Variants in SMCHD1 observed in about 807,000 individuals in gnomAD.
SMCHD1 encodes structural maintenance of chromosomes flexible hinge domain containing 1.
SMCHD1 carries 78 observed loss-of-function variants against 254.7 expected under a neutral mutation model. The ratio of observed to expected loss-of-function variants is 0.31; its 90% confidence interval spans 0.26 to 0.37. The LOEUF (loss-of-function observed/expected upper bound fraction) is 0.37, where lower values mean the gene tolerates loss of function less well. Ranked by LOEUF, SMCHD1 falls within the 10% of genes least tolerant of loss-of-function variation. The probability of loss-of-function intolerance (pLI) is 1.00; values close to 1 mark genes in which losing one functional copy is unlikely to be tolerated. For missense variants in SMCHD1, 1,840 were observed against 2,408.1 expected (o/e 0.76, Z 4.94); for synonymous variants, 766 against 794.9 (o/e 0.96, Z 0.61).
At chr18:2,658,908 G>GCATATATA (rs1162064878) in intron 1 of SMCHD1, among the ~76,000 whole-genome samples, 1 of 148,126 alleles carries the variant, frequency 6.8e-6, no homozygotes, top group African/African-American at 2.5e-5. Flanking sequence ...ACGTGTATAC[G>GCATATATA]CATATATACA....
At chr18:2,801,380 G>A (rs1275974122) in intron 47 of SMCHD1, 1 of 152,148 alleles carries the variant, frequency 6.6e-6, no homozygotes, top group Non-Finnish European at 1.5e-5. Context: ...GGTATTAGAA[G>A]TTTAGGTGGA....
At chr18:2,728,713 G>A in intron 23 of SMCHD1, 117 bp downstream of exon 23, 1 of 1,136,496 alleles carries the variant, frequency 8.8e-7, no homozygotes. Flanking sequence ...TTATTCCGTG[G>A]AAGGATTTGT....
intron 31 of SMCHD1, 96 bp downstream of exon 31, chr18:2,750,218 T>C: frequency 7.1e-7 from 1 of 1,417,782 alleles, no homozygotes; most frequent in Non-Finnish European, 9.6e-7. Context: ...TTCTGTTTAA[T>C]GTTAGGCAAG....
At position 2,707,566 on chromosome 18, in the gene SMCHD1, C is replaced by T. The variant is rs753167881; in HGVS notation, c.2067C>T (p.Leu689=). 3.1e-6 allele frequency: 5 copies of T among 1,597,404 alleles called. No individual in the cohort carries two copies. Among genetic ancestry groups the T allele is most frequent in the Non-Finnish European group, 4.3e-6 (5 of 1,170,688 alleles). Residue 689 remains leucine, a synonymous_variant, in exon 16 of 48, where the codon CTC becomes CTT. Transcript: ENST00000320876. ...TAATATGCTGGTTTCATAACAGGCT[C>T]CCTGATAGATTGTCAGTAACTTGGC... ...KKYVEDEMAR[L]PDRLSVTWPE...
chr18:2,664,179 T>A (rs1258274950), intron 1 of SMCHD1, among the ~76,000 whole-genome samples: 2 of 152,160 alleles, frequency 1.3e-5, no homozygotes, highest in Non-Finnish European at 2.9e-5. Context: ...ATATTCTAGG[T>A]CTTAGGTCAT....
chr18:2,669,838 T>G (rs1382505665), intron 3 of SMCHD1, among the ~76,000 whole-genome samples: 1 of 152,232 alleles, frequency 6.6e-6, no homozygotes, highest in Non-Finnish European at 1.5e-5. Flanking sequence ...GAATTGATTA[T>G]TACTGTGTCC....
intron 37 of SMCHD1, among the ~76,000 whole-genome samples, chr18:2,767,315 G>A (rs1019070605): frequency 4.0e-5 from 6 of 151,468 alleles, no homozygotes; most frequent in Non-Finnish European, 8.8e-5. Flanking sequence ...AGAATTAAAA[G>A]AACAGTGACA....
At chr18:2,780,812 A>C (rs557688348) in intron 44 of SMCHD1, among the ~76,000 whole-genome samples, 1 of 152,358 alleles carries the variant, frequency 6.6e-6, no homozygotes, top group Non-Finnish European at 1.5e-5. Context: ...TTCATGACCC[A>C]GTACAAGCTG....
At chr18:2,738,712 A>C (rs2075296183) in intron 26 of SMCHD1, among the ~76,000 whole-genome samples, 167 bp downstream of exon 26, 1 of 152,218 alleles carries the variant, frequency 6.6e-6, no homozygotes, top group Admixed American at 6.5e-5. Flanking sequence ...TTTTGTTATC[A>C]CTGTAATCTT....
intron 45 of SMCHD1, among the ~76,000 whole-genome samples, chr18:2,791,143 C>G: frequency 6.6e-6 from 1 of 152,132 alleles, no homozygotes; most frequent in Non-Finnish European, 1.5e-5. Context: ...AAGTCATATA[C>G]AAGAACAACA....
At chr18:2,749,809 A>G (rs1182714834) in intron 30 of SMCHD1, among the ~76,000 whole-genome samples, 1 of 152,212 alleles carries the variant, frequency 6.6e-6, no homozygotes, top group Non-Finnish European at 1.5e-5. Flanking sequence ...TAACTGAAAT[A>G]CATTAAATTC....
At chr18:2,740,901 T>A in intron 28 of SMCHD1, 80 bp downstream of exon 28, 1 of 762,968 alleles carries the variant, frequency 1.3e-6, no homozygotes. Flanking sequence ...AAAACTAGTA[T>A]AAGAAAAAAG....
chr18:2,775,624 A>T, intron 41 of SMCHD1, 110 bp from the exon 42 acceptor site: 1 of 740,022 alleles, frequency 1.4e-6, no homozygotes, highest in South Asian at 2.4e-5. Flanking sequence ...TTTATTTTTA[A>T]TTCATGTGTT....
At chr18:2,756,775 T>C (rs1298494478) in intron 34 of SMCHD1, among the ~76,000 whole-genome samples, 1 of 152,116 alleles carries the variant, frequency 6.6e-6, no homozygotes. Context: ...ATCAATTTTA[T>C]CTAAATAAAT....
intron 5 of SMCHD1, among the ~76,000 whole-genome samples, chr18:2,679,480 CAAAAAAAA>C (rs59034633): frequency 1.2e-4 from 7 of 58,676 alleles, no homozygotes; most frequent in South Asian, 1.4e-3. Context: ...ACTCCATCTC[CAAAAAAAA>C]AAAAAAAAAA....
chr18:2,735,225 T>C (rs8083413), intron 25 of SMCHD1, among the ~76,000 whole-genome samples: 30,899 of 152,082 alleles, frequency 0.2, 3,381 homozygotes, highest in South Asian at 0.33. Flanking sequence ...CAGAAAATGC[T>C]TTTGATAAAA....
intron 12 of SMCHD1, 51 bp from the exon 13 acceptor site, chr18:2,703,641 A>G (rs2074451927): frequency 2.9e-6 from 4 of 1,403,392 alleles, no homozygotes; most frequent in African/African-American, 2.9e-5. Context: ...GTTTATGGTT[A>G]TATTTGTTTG....
chr18:2,693,390 G>T (rs1236682449), intron 7 of SMCHD1, among the ~76,000 whole-genome samples: 1 of 152,146 alleles, frequency 6.6e-6, no homozygotes, highest in Non-Finnish European at 1.5e-5. Context: ...ACACACCTAG[G>T]CTATATGGTA....
rs886494826 is a variant in SMCHD1, at chr18:2,803,657, G to T, written c.*1105G>T. On this transcript the variant is annotated 3_prime_UTR_variant, in exon 48 of 48. Coordinates refer to ENST00000320876, the MANE Select transcript of SMCHD1 (RefSeq NM_015295.3). ...TTTTAAAATTGGAAGCTTCATAAAA[G>T]TTATCTTGTTAAAAAACGATGATGA... is the stretch of plus-strand genomic sequence containing the variant. The T allele has an allele frequency of 1.3e-5, 2 of 149,868 alleles. No individual in the cohort carries two copies. The highest frequency in any genetic ancestry group is 3.0e-5 in the Non-Finnish European group (2 of 67,604). The allele number at this position is 149,868 out of a possible 1,614,324, so 9.3% of individuals were successfully genotyped here.
Sources: allele counts gnomAD v4.1 joint callset (sites outside exome capture counted in the v4.1 genomes callset), GRCh38; gene constraint gnomAD v4.1.1; transcripts MANE v1.5; gene names NCBI Gene and HGNC (gene_info 2026-07-23, HGNC 2026-07-21).